REEP3: variants seen among roughly 807,000 people sequenced by gnomAD.
REEP3 encodes the protein receptor accessory protein 3.
REEP3 carries 20 observed loss-of-function variants against 41.3 expected under a neutral mutation model. The observed-to-expected ratio is 0.48, with a 90% confidence interval of 0.34 to 0.70. The LOEUF is 0.70. Among genes scored for constraint, REEP3 ranks in the 30% least tolerant of loss-of-function variants. REEP3 has a pLI of 0.01. For synonymous variants in REEP3, 104 were observed against 101.8 expected (o/e 1.02, Z -0.13); for missense variants, 271 against 308.8 (o/e 0.88, Z 0.92).
chr10:63,592,259 C>T (rs952706297), intron 2 of REEP3, among the ~76,000 whole-genome samples: 7 of 152,114 alleles, frequency 4.6e-5, no homozygotes, highest in African/African-American at 1.7e-4. Flanking sequence ...GTGCAGTGAT[C>T]TTGAGCAACT....
At chr10:63,620,769 A>T (rs541155586) in intron 7 of REEP3, 44 bp from the exon 8 acceptor site, 1 of 1,300,658 alleles carries the variant, frequency 7.7e-7, no homozygotes, top group Non-Finnish European at 1.1e-6. Context: ...TAATTTTTTA[A>T]AGTAATCATC....
chr10:63,530,494 A>G (rs936769441), intron 1 of REEP3, among the ~76,000 whole-genome samples: 1 of 151,942 alleles, frequency 6.6e-6, no homozygotes, highest in Middle Eastern at 3.2e-3. Flanking sequence ...TTAAAAATAT[A>G]TGTAGGAAAT....
chr10:63,613,291 T>C (rs186611327), intron 6 of REEP3, among the ~76,000 whole-genome samples: 1 of 152,350 alleles, frequency 6.6e-6, no homozygotes, highest in East Asian at 1.9e-4. Context: ...ATTACAGGCG[T>C]GAGCCACTGT....
At chr10:63,597,323 A>T (rs1589882450) in intron 3 of REEP3, among the ~76,000 whole-genome samples, 1 of 152,240 alleles carries the variant, frequency 6.6e-6, no homozygotes, top group East Asian at 1.9e-4. Flanking sequence ...CACTTGGAGC[A>T]TATGAAGTCA....
chr10:63,542,087 T>G (rs1811724754), intron 1 of REEP3, among the ~76,000 whole-genome samples: 1 of 149,848 alleles, frequency 6.7e-6, no homozygotes, highest in Non-Finnish European at 1.5e-5. Flanking sequence ...TTGTTTTTGT[T>G]TTTTTTTTTT....
chr10:63,529,779 C>CTT lies in REEP3; in HGVS notation c.32+8214_32+8215dup, dbSNP rs11442892. 1.1e-3 allele frequency among the ~76,000 whole-genome samples: 155 copies of CTT among 142,190 alleles called. 1 individual carries two copies. Among genetic ancestry groups the CTT allele is most frequent in the African/African-American group, 2.2e-3 (86 of 38,548 alleles). 93.3% of individuals were successfully genotyped at this position (142,190 alleles called of 152,430 possible). A position where few individuals can be genotyped will look rare whatever the true frequency, so the allele number is the denominator to read the frequency against. The stretch of plus-strand genomic sequence containing the variant: ...CACTGCCCCGGCCATGAATGTGATT[C>CTT]TTTTTTTTTTTTTGAGACTGAGGAG... On this transcript the variant is annotated intron_variant, in intron 1 of 7. Transcript: ENST00000373758.
At chr10:63,616,504 CTT>C (rs1221003707) in intron 6 of REEP3, among the ~76,000 whole-genome samples, 2 of 152,126 alleles carry the variant, frequency 1.3e-5, no homozygotes, top group Admixed American at 1.3e-4. Context: ...CAATCCATCA[CTT>C]TTCCTGAAGC....
Position 63,623,755 on chromosome 10 carries a change from ATGTGTGTGTGTGTG to A in REEP3, c.*2916_*2929del, listed in dbSNP as rs57254958. On this transcript the variant is annotated 3_prime_UTR_variant, in exon 8 of 8. Coordinates refer to ENST00000373758, the MANE Select transcript of REEP3 (RefSeq NM_001001330.3). ...CCCCCTCACATACTTCACAATATATATGTGTGTGTGTGTGTGTGTGTGTGTGTGTGTGTGTGTGT... is the reference window on the plus strand; with the variant it reads ...CCCCCTCACATACTTCACAATATATATGTGTGTGTGTGTGTGTGTGTGTGT... 6,893 of 142,416 alleles carry A rather than the reference ATGTGTGTGTGTGTG, an allele frequency of 0.048. 251 individuals are homozygous for A. The highest frequency in any genetic ancestry group is 0.1 in the African/African-American group (3,914 of 38,290). The allele number at this position is 142,416 out of a possible 1,614,324, so 8.8% of individuals were successfully genotyped here.
rs552660140 is a variant in REEP3, at chr10:63,571,054, G to A, written c.105+4644G>A. ...CACCTGAGCCTGGGAGGTCGAGGCT[G>A]CAGTAAGTCCTGATTGCACCACTGC... On this transcript the variant is annotated intron_variant, in intron 2 of 7. Transcript: ENST00000373758. 1.0e-3 allele frequency among the ~76,000 whole-genome samples: 158 copies of A among 152,266 alleles called. 1 individual carries two copies. The highest frequency in any genetic ancestry group is 3.7e-3 in the African/African-American group (153 of 41,550).
chr10:63,545,687 T>TTG lies in REEP3; in HGVS notation c.33-20650_33-20649insGT, dbSNP rs1182707690. On this transcript the variant is annotated intron_variant, in intron 1 of 7. Transcript: ENST00000373758. ...TGCGCCTGGCCAACTTCTGTTTTTT[T>TTG]TTTTTTTTTTTTTTTTTTGAGATGG... Among the ~76,000 whole-genome samples the TTG allele has an allele frequency of 2.2e-5, 3 of 138,798 alleles. No homozygotes were observed. The East Asian group carries it at 6.3e-4, about 29-fold the overall frequency. The allele number at this position is 138,798 out of a possible 152,430, so 91.1% of individuals were successfully genotyped here. A position where few individuals can be genotyped will look rare whatever the true frequency, so the allele number is the denominator to read the frequency against.
At chr10:63,615,495 G>A (rs982085594) in intron 6 of REEP3, among the ~76,000 whole-genome samples, 12 of 151,706 alleles carry the variant, frequency 7.9e-5, no homozygotes, top group South Asian at 2.1e-4. Flanking sequence ...CTTGATTCTA[G>A]TGTCTCTTCT....
intron 7 of REEP3, among the ~76,000 whole-genome samples, chr10:63,620,269 G>T (rs1956343749): frequency 1.3e-5 from 2 of 152,090 alleles, no homozygotes; most frequent in South Asian, 4.1e-4. Context: ...TCAGATCAAT[G>T]TATCAGGATA....
At chr10:63,613,951 A>G (rs1305442373) in intron 6 of REEP3, among the ~76,000 whole-genome samples, 1 of 152,216 alleles carries the variant, frequency 6.6e-6, no homozygotes, top group African/African-American at 2.4e-5. Context: ...ACATAATGGA[A>G]TAGTTTTTGA....
At chr10:63,612,505 A>C (rs1325083386) in intron 6 of REEP3, among the ~76,000 whole-genome samples, 1 of 152,172 alleles carries the variant, frequency 6.6e-6, no homozygotes. Context: ...ATTTAAAATT[A>C]GGTGGTCAGT....
rs78537371 is a variant in REEP3 at position 63,539,992 on chromosome 10, C to T, written c.32+18415C>T. 6.2e-3 allele frequency among the ~76,000 whole-genome samples: 937 copies of T among 152,210 alleles called. 11 individuals carry two copies. The highest frequency in any genetic ancestry group is 0.021 in the African/African-American group (866 of 41,540). On this transcript the variant is annotated intron_variant, in intron 1 of 7. Transcript: ENST00000373758. ...CAAATACTGTTACCATTTTAAAACG[C>T]AACAAAAATTGTAAAATATTCTCAG...
At chr10:63,599,575 C>A in intron 5 of REEP3, 1 of 473,428 alleles carries the variant, frequency 2.1e-6, no homozygotes, top group Non-Finnish European at 2.8e-6. Flanking sequence ...GAGTAAATCA[C>A]CTGATGTAAA....
chr10:63,568,889 C>T (rs1379244086), intron 2 of REEP3, among the ~76,000 whole-genome samples: 1 of 151,944 alleles, frequency 6.6e-6, no homozygotes, highest in African/African-American at 2.4e-5. Context: ...TCTTGGACTC[C>T]TGGCCTCAGG....
chr10:63,545,197 A>G (rs1955565573), intron 1 of REEP3, among the ~76,000 whole-genome samples: 1 of 152,196 alleles, frequency 6.6e-6, no homozygotes, highest in Admixed American at 6.5e-5. Context: ...TACATAATAT[A>G]TTTAGACATA....
chr10:63,622,686 C>G lies in REEP3; in HGVS notation c.*1817C>G, dbSNP rs1956363158. 1 of 142,170 alleles carries G rather than the reference C, an allele frequency of 7.0e-6. No individual in the cohort carries two copies. Among genetic ancestry groups the G allele is most frequent in the Admixed American group, 7.0e-5 (1 of 14,364 alleles). 8.8% of individuals were successfully genotyped at this position (142,170 alleles called of 1,614,324 possible). On this transcript the variant is annotated 3_prime_UTR_variant, in exon 8 of 8. Coordinates refer to ENST00000373758, the MANE Select transcript of REEP3 (RefSeq NM_001001330.3). Reference sequence around the variant, plus strand: ...GAGTCAAGAACTTTATCTGTGGGAGCTGATTTGCACCATTTTACCTTTTTT... The same window carrying G: ...GAGTCAAGAACTTTATCTGTGGGAGGTGATTTGCACCATTTTACCTTTTTT...
Sources: allele counts gnomAD v4.1 joint callset (sites outside exome capture counted in the v4.1 genomes callset), GRCh38; gene constraint gnomAD v4.1.1; transcripts MANE v1.5; gene names NCBI Gene and HGNC (gene_info 2026-07-23, HGNC 2026-07-21).